AGBL4: variants seen among roughly 807,000 people sequenced by gnomAD.
The protein encoded by AGBL4 is cytosolic carboxypeptidase 6.
In AGBL4, 58 loss-of-function variants were observed where a neutral mutation model predicts 66.4. The observed-to-expected ratio is 0.87, with a 90% confidence interval of 0.71 to 1.09. The LOEUF is 1.09. Ranked by LOEUF, AGBL4 falls within the 50% of genes least tolerant of loss-of-function variation. The probability of loss-of-function intolerance (pLI) is 0.00; values close to 1 mark genes in which losing one functional copy is unlikely to be tolerated. For missense variants in AGBL4, 579 were observed against 631.0 expected, an observed-to-expected ratio of 0.92 and a Z score of 0.88; for synonymous variants, 234 against 222.9, an observed-to-expected ratio of 1.05 and a Z score of -0.44.
chr1:49,712,973 T>A (rs1253089739), intron 2 of AGBL4, among the ~76,000 whole-genome samples: 1 of 152,028 alleles, frequency 6.6e-6, no homozygotes, highest in African/African-American at 2.4e-5. Context: ...TAACTATTAG[T>A]AGTAGCATAC....
intron 3 of AGBL4, among the ~76,000 whole-genome samples, chr1:49,484,081 C>T (rs570063630): frequency 4.0e-5 from 6 of 151,794 alleles, no homozygotes; most frequent in African/African-American, 1.2e-4. Flanking sequence ...ATGGCTTTTC[C>T]AAGAGTCAGG....
chr1:49,965,546 C>T (rs1657482236), intron 1 of AGBL4, among the ~76,000 whole-genome samples: 1 of 152,170 alleles, frequency 6.6e-6, no homozygotes, highest in Non-Finnish European at 1.5e-5. Context: ...GAACAAAACC[C>T]ATATAACCAA....
At chr1:49,704,433 T>C (rs1441846129) in intron 2 of AGBL4, among the ~76,000 whole-genome samples, 1 of 151,944 alleles carries the variant, frequency 6.6e-6, no homozygotes, top group Admixed American at 6.6e-5. Flanking sequence ...TTACTGAAAA[T>C]CTTATACAAA....
In AGBL4 at chr1:49,381,563, G is replaced by A. The variant is rs184031979; in HGVS notation, c.283-135699C>T. Among the ~76,000 whole-genome samples, 439 of 152,024 alleles carry A rather than the reference G, an allele frequency of 2.9e-3. 4 individuals are homozygous for A. Among genetic ancestry groups the A allele is most frequent in the African/African-American group, 9.0e-3 (374 of 41,492 alleles). On this transcript the variant is annotated intron_variant, in intron 3 of 13. Transcript: ENST00000371839. ...CATGCACACATATGTTTATTACGGCGTTATTCACAATAGCAAAGACTTGGA... is the reference window on the plus strand; with the variant it reads ...CATGCACACATATGTTTATTACGGCATTATTCACAATAGCAAAGACTTGGA...
At chr1:49,710,959 C>T (rs1647618586) in intron 2 of AGBL4, among the ~76,000 whole-genome samples, 1 of 151,722 alleles carries the variant, frequency 6.6e-6, no homozygotes, top group African/African-American at 2.4e-5. Context: ...TATGAGTTGC[C>T]AGGAAGCATA....
At chr1:49,673,823 A>G (rs1040898187) in intron 3 of AGBL4, among the ~76,000 whole-genome samples, 1 of 151,946 alleles carries the variant, frequency 6.6e-6, no homozygotes, top group Non-Finnish European at 1.5e-5. Flanking sequence ...ATCACAATCT[A>G]GTGTGCTGAG....
chr1:48,582,059 T>C (rs1287001728), intron 11 of AGBL4, among the ~76,000 whole-genome samples: 3 of 152,248 alleles, frequency 2.0e-5, no homozygotes, highest in East Asian at 3.9e-4. Flanking sequence ...CAGCTTTGCA[T>C]ACATTTTAGA....
At chr1:49,754,940 G>A (rs1651779320) in intron 2 of AGBL4, among the ~76,000 whole-genome samples, 1 of 152,152 alleles carries the variant, frequency 6.6e-6, no homozygotes, top group African/African-American at 2.4e-5. Flanking sequence ...CTCTTCTTTG[G>A]GGAAGTCAAT....
intron 1 of AGBL4, among the ~76,000 whole-genome samples, chr1:49,908,102 G>A (rs565259226): frequency 1.3e-4 from 20 of 152,282 alleles, no homozygotes; most frequent in African/African-American, 4.6e-4. Context: ...GGCCAGGCAT[G>A]GTGGCTCATG....
At chr1:49,551,862 A>T (rs1270220397) in intron 3 of AGBL4, among the ~76,000 whole-genome samples, 4 of 152,160 alleles carry the variant, frequency 2.6e-5, no homozygotes, top group African/African-American at 9.6e-5. Context: ...AACTCCCAAG[A>T]TTATATGCCC....
At chr1:48,603,889 T>C (rs139620542) in intron 9 of AGBL4, among the ~76,000 whole-genome samples, 129 of 152,186 alleles carry the variant, frequency 8.5e-4, no homozygotes, top group Non-Finnish European at 1.5e-3. Flanking sequence ...GTGGATCACC[T>C]GAGGTCAGGA....
chr1:49,795,640 T>C (rs897496944), intron 2 of AGBL4, among the ~76,000 whole-genome samples: 8 of 151,948 alleles, frequency 5.3e-5, no homozygotes, highest in African/African-American at 1.9e-4. Flanking sequence ...TGTGTGTGTG[T>C]ATGTGTGTGT....
At chr1:49,309,442 A>G (rs1294360949) in intron 3 of AGBL4, among the ~76,000 whole-genome samples, 1 of 152,086 alleles carries the variant, frequency 6.6e-6, no homozygotes, top group East Asian at 1.9e-4. Context: ...TATAATTATG[A>G]TATTTTTGAT....
At chr1:49,708,944 G>A (rs1057024377) in intron 2 of AGBL4, among the ~76,000 whole-genome samples, 5 of 152,142 alleles carry the variant, frequency 3.3e-5, no homozygotes, top group Admixed American at 6.5e-5. Context: ...CTCCCAGAGC[G>A]ACACCTGCCA....
intron 3 of AGBL4, among the ~76,000 whole-genome samples, chr1:49,537,652 T>C (rs991705457): frequency 1.3e-5 from 2 of 152,010 alleles, no homozygotes; most frequent in Non-Finnish European, 2.9e-5. Context: ...AGGCTGGGCA[T>C]GGTGGCTCAC....
intron 2 of AGBL4, among the ~76,000 whole-genome samples, chr1:49,739,587 C>G (rs981319708): frequency 3.9e-5 from 6 of 152,074 alleles, no homozygotes; most frequent in Admixed American, 2.0e-4. Flanking sequence ...AAGAGCAACT[C>G]CAAGACACAT....
chr1:48,885,265 T>C (rs1650211077), intron 5 of AGBL4, among the ~76,000 whole-genome samples: 1 of 152,244 alleles, frequency 6.6e-6, no homozygotes, highest in African/African-American at 2.4e-5. Flanking sequence ...TAAATATTTA[T>C]TGGAACACAG....
chr1:48,615,007 T>C (rs1181558058), intron 9 of AGBL4, among the ~76,000 whole-genome samples: 1 of 151,834 alleles, frequency 6.6e-6, no homozygotes, highest in Non-Finnish European at 1.5e-5. Context: ...AGCAATGGCA[T>C]GAACATCTGA....
chr1:50,016,515 T>G lies in AGBL4; in HGVS notation c.34+7248A>C, dbSNP rs915286738. Among the ~76,000 whole-genome samples the G allele has an allele frequency of 2.6e-5, 4 of 152,242 alleles. No homozygotes were observed. In the South Asian group the frequency reaches 8.3e-4, roughly 32 times the overall value. The stretch of plus-strand genomic sequence containing the variant: ...AGGCAGAGATTGCAGTGAGCAAAGA[T>G]TGTGCCACTGTACTCCATCTTAGGT... On this transcript the variant is annotated intron_variant, in intron 1 of 13. Coordinates refer to ENST00000371839, the MANE Select transcript of AGBL4 (RefSeq NM_032785.4).
Sources: gnomAD v4.1 joint callset for allele counts (sites outside exome capture counted in the v4.1 genomes callset) on GRCh38, gnomAD v4.1.1 for gene constraint, MANE v1.5 for transcripts, NCBI Gene and HGNC (gene_info 2026-07-23, HGNC 2026-07-21) for gene names.